The following FAM20C variants were observed in gnomAD, a reference collection of about 807,000 sequenced individuals.
FAM20C encodes the protein extracellular serine/threonine protein kinase FAM20C.
Under a neutral mutation model 51.5 loss-of-function variants are expected in FAM20C, and 40 were observed. The ratio of observed to expected loss-of-function variants is 0.78; its 90% CI spans 0.60 to 1.01. The LOEUF (loss-of-function observed/expected upper bound fraction) is 1.01, where lower values mean the gene tolerates loss of function less well. Ranked by LOEUF, FAM20C falls within the 50% of genes least tolerant of loss-of-function variation. FAM20C has a pLI of 0.00. For missense variants in FAM20C, 861 were observed against 844.7 expected, an observed-to-expected ratio of 1.02 and a Z score of -0.24; for synonymous variants, 406 against 380.6, an observed-to-expected ratio of 1.07 and a Z score of -0.78.
intron 3 of FAM20C, among the ~76,000 whole-genome samples, chr7:235,112 C>T (rs1000249426): frequency 7.9e-5 from 12 of 151,778 alleles, no homozygotes; most frequent in African/African-American, 2.9e-4. Flanking sequence ...ACTGTTTACA[C>T]TGAGCCCAGG....
chr7:216,686 T>A (rs1191650913), intron 3 of FAM20C, among the ~76,000 whole-genome samples: 2 of 139,308 alleles, frequency 1.4e-5, no homozygotes, highest in East Asian at 2.1e-4. Flanking sequence ...TGTGTGAGAG[T>A]GTGTGTGTGT....
In FAM20C at chr7:255,351, A is replaced by G. The variant is rs556560265; in HGVS notation, c.1073-498A>G. Among the ~76,000 whole-genome samples the G allele has an allele frequency of 2.3e-4, 35 of 152,106 alleles. No homozygotes were observed. In the East Asian group the frequency reaches 6.4e-3, roughly 28 times the overall value. On this transcript the variant is annotated intron_variant, in intron 5 of 9. Coordinates refer to ENST00000313766, the MANE Select transcript of FAM20C (RefSeq NM_020223.4). ...CTCACGATGGCGCCCGTCTCTTCTC[A>G]TGCTTGTCGGCCATCAGGGTCGTCT... is the stretch of plus-strand genomic sequence containing the variant.
chr7:253,757 A>G (rs892880422), intron 5 of FAM20C, among the ~76,000 whole-genome samples: 1 of 151,430 alleles, frequency 6.6e-6, no homozygotes, highest in African/African-American at 2.4e-5. Flanking sequence ...TTAATACCCG[A>G]TTTGGATCTG....
At chr7:246,233 G>A (rs569430406) in intron 3 of FAM20C, 182 bp from the exon 4 acceptor site, 2 of 604,920 alleles carry the variant, frequency 3.3e-6, no homozygotes, top group East Asian at 5.8e-5. Flanking sequence ...GCACGTGCCT[G>A]CGCTGCTCTG....
intron 5 of FAM20C, 39 bp from the exon 6 acceptor site, chr7:255,810 C>T (rs981617437): frequency 3.3e-6 from 5 of 1,535,234 alleles, no homozygotes; most frequent in Middle Eastern, 3.3e-4. Flanking sequence ...GGACGCAGCC[C>T]TGTGCGGCCC....
intron 3 of FAM20C, among the ~76,000 whole-genome samples, chr7:215,218 A>G: frequency 1.0e-5 from 1 of 98,944 alleles, no homozygotes; most frequent in Non-Finnish European, 2.4e-5. Context: ...CAGAGTTTAG[A>G]GGCTCCAGCT....
chr7:259,765 C>T lies in FAM20C; in HGVS notation c.1540C>T (p.Leu514=). 2 of 1,536,586 alleles carry T rather than the reference C, an allele frequency of 1.3e-6. No homozygotes were observed. Among genetic ancestry groups the T allele is most frequent in the Non-Finnish European group, 8.7e-7 (1 of 1,146,650 alleles). Reference sequence around the variant, plus strand: ...GTCCACCTACCTGCGTCTGCAGCTCCTGGCCAAGGAGGAGTACAAGCTGAG... The same window carrying T: ...GTCCACCTACCTGCGTCTGCAGCTCTTGGCCAAGGAGGAGTACAAGCTGAG... ...RKSTYLRLQL[L]AKEEYKLSLL... Residue 514 remains leucine, a synonymous_variant, in exon 10 of 10, where the codon CTG becomes TTG. Coordinates refer to ENST00000313766, the MANE Select transcript of FAM20C (RefSeq NM_020223.4).
chr7:258,613 G>A, intron 8 of FAM20C, 33 bp from the exon 9 acceptor site: 1 of 1,535,886 alleles, frequency 6.5e-7, no homozygotes, highest in South Asian at 1.2e-5. Flanking sequence ...CCTTGTACAG[G>A]GGCCCTTGAC....
intron 3 of FAM20C, among the ~76,000 whole-genome samples, chr7:216,820 G>C (rs1267139780): frequency 2.0e-5 from 3 of 152,106 alleles, no homozygotes; most frequent in Non-Finnish European, 4.4e-5. Context: ...GGCAGTTGCA[G>C]AAGGGCTTGC....
chr7:206,620 T>C (rs867238238), intron 2 of FAM20C, among the ~76,000 whole-genome samples: 79 of 119,148 alleles, frequency 6.6e-4, no homozygotes, highest in African/African-American at 1.9e-3. Context: ...GCGTCTGTCA[T>C]GGTCCCCTCG....
At chr7:194,486 C>T (rs1291616544) in intron 1 of FAM20C, among the ~76,000 whole-genome samples, 2 of 149,742 alleles carry the variant, frequency 1.3e-5, no homozygotes, top group East Asian at 2.0e-4. Flanking sequence ...ACATTAACCA[C>T]GACAAGGCCA....
rs534829290 is a variant in FAM20C, at chr7:254,951, CG to C, written c.1073-897del. ...CTTGTTTCATTTCGTTTCGTGTCAT[CG>C]CACGGATGGACCATGTTCACCTGGC... is the stretch of plus-strand genomic sequence containing the variant. On this transcript the variant is annotated intron_variant, in intron 5 of 9. Coordinates refer to ENST00000313766, the MANE Select transcript of FAM20C (RefSeq NM_020223.4). 1.6e-4 allele frequency among the ~76,000 whole-genome samples: 24 copies of C among 152,356 alleles called. No individual in the cohort carries two copies. The South Asian group carries it at 4.8e-3, about 30-fold the overall frequency.
At chr7:226,218 T>A (rs1044993665) in intron 3 of FAM20C, among the ~76,000 whole-genome samples, 1 of 152,064 alleles carries the variant, frequency 6.6e-6, no homozygotes, top group African/African-American at 2.4e-5. Context: ...CCTCTTGGTG[T>A]CCACGCACCC....
chr7:260,148 T>G lies in FAM20C; in HGVS notation c.*168T>G. On this transcript the variant is annotated 3_prime_UTR_variant, in exon 10 of 10. Transcript: ENST00000313766. ...GCTCCCCAGGTCTCATAGGACACAT[T>G]TTGTCAGTGTTTGACCAGAAAAGCT... The G allele has an allele frequency of 1.1e-6, 1 of 918,986 alleles. No homozygotes were observed. The highest frequency in any genetic ancestry group is 1.5e-6 in the Non-Finnish European group (1 of 662,080). 56.9% of individuals were successfully genotyped at this position (918,986 alleles called of 1,614,324 possible). A position where few individuals can be genotyped will look rare whatever the true frequency, so the allele number is the denominator to read the frequency against.
intron 3 of FAM20C, among the ~76,000 whole-genome samples, chr7:233,952 GA>G (rs1787774579): frequency 6.6e-6 from 1 of 152,204 alleles, no homozygotes; most frequent in Admixed American, 6.5e-5. Context: ...GCTCTGGGGG[GA>G]GGGAGAGAAG....
rs1008656513 is a variant in FAM20C at position 240,807 on chromosome 7, A to C, written c.864-5608A>C. The stretch of plus-strand genomic sequence containing the variant: ...GCCAAGCACTCCTTAGGGAAGAGCC[A>C]CATTCTGCCTCAGGCTCCAGGAAAG... On this transcript the variant is annotated intron_variant, in intron 3 of 9. Coordinates refer to ENST00000313766, the MANE Select transcript of FAM20C (RefSeq NM_020223.4). Among the ~76,000 whole-genome samples, 13 of 152,264 alleles carry C rather than the reference A, an allele frequency of 8.5e-5. 1 individual carries two copies. In the South Asian group the frequency reaches 2.7e-3, roughly 32 times the overall value.
chr7:216,998 G>T (rs907819331), intron 3 of FAM20C, among the ~76,000 whole-genome samples: 4 of 152,090 alleles, frequency 2.6e-5, no homozygotes, highest in Non-Finnish European at 5.9e-5. Flanking sequence ...AAGCAGCATC[G>T]TACTGGCGTG....
rs568050022 is a variant in FAM20C, at chr7:223,419, G to A, written c.863+14443G>A. On this transcript the variant is annotated intron_variant, in intron 3 of 9. Coordinates refer to ENST00000313766, the MANE Select transcript of FAM20C (RefSeq NM_020223.4). ...GTGAATGATCACAGAGCCTGCCGGG[G>A]TAGAGGCCAAGGAGCCCGTCTGTCT... Among the ~76,000 whole-genome samples, 2 of 152,328 alleles carry A rather than the reference G, an allele frequency of 1.3e-5. 1 individual carries two copies. The highest frequency in any genetic ancestry group is 4.8e-5 in the African/African-American group (2 of 41,564).
At chr7:232,112 G>C (rs539806408) in intron 3 of FAM20C, among the ~76,000 whole-genome samples, 2 of 152,208 alleles carry the variant, frequency 1.3e-5, no homozygotes, top group Non-Finnish European at 2.9e-5. Context: ...TTCCCTGCTC[G>C]GCCGCCGGCC....
Sources: gnomAD v4.1 joint callset for allele counts (sites outside exome capture counted in the v4.1 genomes callset) on GRCh38, gnomAD v4.1.1 for gene constraint, MANE v1.5 for transcripts, NCBI Gene and HGNC (gene_info 2026-07-23, HGNC 2026-07-21) for gene names.